ZFAND3: variants seen among roughly 807,000 people sequenced by gnomAD.
The protein encoded by ZFAND3 is AN1-type zinc finger protein 3.
A neutral mutation model predicts 29.6 loss-of-function variants in ZFAND3; 10 were observed. The ratio of observed to expected loss-of-function variants is 0.34; its 90% confidence interval spans 0.21 to 0.57. The LOEUF is 0.57. Among genes scored for constraint, ZFAND3 ranks in the 20% least tolerant of loss-of-function variants. The pLI, the probability that ZFAND3 is intolerant of heterozygous loss-of-function variation, is 0.86. For missense variants in ZFAND3, 230 were observed against 304.5 expected (o/e 0.76, Z 1.82); for synonymous variants, 128 against 112.6 (o/e 1.14, Z -0.87).
At chr6:38,109,092 CA>C (rs112606001) in intron 4 of ZFAND3, among the ~76,000 whole-genome samples, 3 of 135,918 alleles carry the variant, frequency 2.2e-5, no homozygotes, top group Admixed American at 7.4e-5. Context: ...CACAGGCAAA[CA>C]AAAAAAAATG....
intron 5 of ZFAND3, among the ~76,000 whole-genome samples, chr6:38,118,764 GA>G (rs60723647): frequency 0.076 from 10,646 of 139,650 alleles, 625 homozygotes; most frequent in East Asian, 0.3. Context: ...TGAAAAAAAA[GA>G]AAAAAAAAAA....
intron 1 of ZFAND3, among the ~76,000 whole-genome samples, chr6:37,860,279 T>A (rs910828661): frequency 6.6e-6 from 1 of 151,400 alleles, no homozygotes; most frequent in Admixed American, 6.6e-5. Context: ...AGGAATAATA[T>A]TATAAAATAT....
intron 4 of ZFAND3, among the ~76,000 whole-genome samples, chr6:38,114,856 G>C (rs1270686138): frequency 6.6e-6 from 1 of 152,188 alleles, no homozygotes; most frequent in Non-Finnish European, 1.5e-5. Context: ...TTGAGCCATA[G>C]GCATGGAGGG....
intron 2 of ZFAND3, among the ~76,000 whole-genome samples, 158 bp from the exon 3 acceptor site, chr6:38,061,435 G>A (rs1764237345): frequency 1.3e-5 from 2 of 152,094 alleles, no homozygotes; most frequent in African/African-American, 2.4e-5. Context: ...AATCTTAAAC[G>A]TTTTTGACCA....
intron 3 of ZFAND3, among the ~76,000 whole-genome samples, chr6:38,075,790 C>T (rs11753724): frequency 3.9e-5 from 6 of 152,096 alleles, no homozygotes; most frequent in Non-Finnish European, 7.4e-5. Context: ...CTCGCTCTGT[C>T]GCCCAGCCTG....
At chr6:37,875,754 G>A (rs552909335) in intron 1 of ZFAND3, among the ~76,000 whole-genome samples, 261 of 151,186 alleles carry the variant, frequency 1.7e-3, no homozygotes, top group Non-Finnish European at 2.3e-3. Context: ...GACCTCTTTC[G>A]CTCAAGTGAT....
At position 38,061,825 on chromosome 6, in the gene ZFAND3, T is replaced by C. The variant is rs189656775; in HGVS notation, c.295+50T>C. 182 of 1,586,280 alleles carry C rather than the reference T, an allele frequency of 1.1e-4. 1 individual carries two copies. The Admixed American group carries it at 2.4e-3, about 21-fold the overall frequency. ...GGTAGAGAGAGCAGCTTAAGAACTTTAGATGAGCATCTTGGTAATGCCTGA... is the reference window on the plus strand; with the variant it reads ...GGTAGAGAGAGCAGCTTAAGAACTTCAGATGAGCATCTTGGTAATGCCTGA... On this transcript the variant is annotated intron_variant, in intron 3 of 5. Transcript: ENST00000287218.
intron 1 of ZFAND3, among the ~76,000 whole-genome samples, chr6:37,891,266 T>C (rs1765093106): frequency 6.6e-6 from 1 of 152,228 alleles, no homozygotes; most frequent in African/African-American, 2.4e-5. Context: ...CTTTGATGAC[T>C]GAGCATAATT....
At chr6:38,047,045 A>C (rs12213151) in intron 2 of ZFAND3, among the ~76,000 whole-genome samples, 1 of 151,848 alleles carries the variant, frequency 6.6e-6, no homozygotes, top group African/African-American at 2.4e-5. Flanking sequence ...ACTTCTGGCC[A>C]GGTGCGGTGG....
intron 3 of ZFAND3, among the ~76,000 whole-genome samples, chr6:38,080,897 A>C (rs56914148): frequency 0.089 from 13,487 of 152,168 alleles, 777 homozygotes; most frequent in East Asian, 0.29. Context: ...ATTACACTTT[A>C]TCTGGTGAAT....
chr6:38,017,537 A>G (rs929418108), intron 2 of ZFAND3, among the ~76,000 whole-genome samples: 2 of 152,134 alleles, frequency 1.3e-5, no homozygotes, highest in African/African-American at 4.8e-5. Flanking sequence ...ACTTTAGCAG[A>G]GCTTGTCTTT....
chr6:37,990,689 T>C (rs1762743481), intron 2 of ZFAND3, among the ~76,000 whole-genome samples: 1 of 152,238 alleles, frequency 6.6e-6, no homozygotes, highest in African/African-American at 2.4e-5. Context: ...TTTTAAAATA[T>C]TATTTTCTTT....
rs1766256996 is a variant in ZFAND3, at chr6:38,152,733, C to CT, written c.*345dup. 4.9e-6 allele frequency: 5 copies of CT among 1,019,452 alleles called. No individual in the cohort carries two copies. In the South Asian group the frequency reaches 1.4e-4, roughly 28 times the overall value. 63.2% of individuals were successfully genotyped at this position (1,019,452 alleles called of 1,614,324 possible). On this transcript the variant is annotated 3_prime_UTR_variant, in exon 6 of 6. Transcript: ENST00000287218. ...GTGGAAAGTGTTCCAGACGGAGACT[C>CT]TGAGTTAATAGAGGAGTAGAAGCTG...
intron 4 of ZFAND3, among the ~76,000 whole-genome samples, chr6:38,098,937 G>A (rs942308539): frequency 6.6e-6 from 1 of 152,084 alleles, no homozygotes; most frequent in Non-Finnish European, 1.5e-5. Context: ...TAGAGATGGG[G>A]TTGCTCAGGC....
At chr6:37,980,063 C>G (rs1235811124) in intron 2 of ZFAND3, among the ~76,000 whole-genome samples, 1 of 152,138 alleles carries the variant, frequency 6.6e-6, no homozygotes, top group Admixed American at 6.5e-5. Flanking sequence ...ACTTCATGTT[C>G]CCTTCTCTGT....
rs755810772 is a variant in ZFAND3, at chr6:38,061,822, C to G, written c.295+47C>G. ...GGTGGTAGAGAGAGCAGCTTAAGAA[C>G]TTTAGATGAGCATCTTGGTAATGCC... is the stretch of plus-strand genomic sequence containing the variant. On this transcript the variant is annotated intron_variant, in intron 3 of 5. Transcript: ENST00000287218. 4 of 1,589,938 alleles carry G rather than the reference C, an allele frequency of 2.5e-6. No individual in the cohort carries two copies. In the South Asian group the frequency reaches 4.5e-5, roughly 18 times the overall value.
intron 2 of ZFAND3, among the ~76,000 whole-genome samples, chr6:37,952,385 A>T (rs11753809): frequency 1.3e-5 from 2 of 151,898 alleles, no homozygotes; most frequent in Non-Finnish European, 2.9e-5. Flanking sequence ...TCGGAACTTG[A>T]TATTGGTCTG....
At chr6:38,061,507 T>A in intron 2 of ZFAND3, 86 bp from the exon 3 acceptor site, 1 of 1,511,678 alleles carries the variant, frequency 6.6e-7, no homozygotes, top group African/African-American at 1.4e-5. Context: ...TGTTGTTGCA[T>A]TTAATTTTTG....
intron 1 of ZFAND3, among the ~76,000 whole-genome samples, chr6:37,849,218 A>T (rs1271309953): frequency 6.6e-6 from 1 of 152,102 alleles, no homozygotes; most frequent in African/African-American, 2.4e-5. Context: ...AGGACCATAG[A>T]CACACTGCAT....
Sources: gnomAD v4.1 joint callset for allele counts (sites outside exome capture counted in the v4.1 genomes callset) on GRCh38, gnomAD v4.1.1 for gene constraint, MANE v1.5 for transcripts, NCBI Gene and HGNC (gene_info 2026-07-23, HGNC 2026-07-21) for gene names.